Variants in CCDC170 observed in about 807,000 individuals in gnomAD.
CCDC170 encodes the protein coiled-coil domain containing 170.
CCDC170 carries 69 observed loss-of-function variants against 72.6 expected under a neutral mutation model. The observed-to-expected ratio is 0.95, with a 90% confidence interval of 0.78 to 1.16. The LOEUF (loss-of-function observed/expected upper bound fraction) is 1.16. CCDC170 is among the 50% of genes most tolerant of loss of function. The probability of loss-of-function intolerance (pLI) is 0.00; values close to 1 mark genes in which losing one functional copy is unlikely to be tolerated. For synonymous variants in CCDC170, 300 were observed against 303.9 expected, an observed-to-expected ratio of 0.99 and a Z score of 0.13; for missense variants, 852 against 832.5, an observed-to-expected ratio of 1.02 and a Z score of -0.29.
chr6:151,587,030 C>A (rs962028764), intron 7 of CCDC170, among the ~76,000 whole-genome samples: 3 of 151,968 alleles, frequency 2.0e-5, no homozygotes, highest in Non-Finnish European at 2.9e-5. Flanking sequence ...ATGATCTGCC[C>A]GCCTCGGCCT....
At chr6:151,567,171 G>A (rs73615772) in intron 5 of CCDC170, among the ~76,000 whole-genome samples, 20,074 of 151,848 alleles carry the variant, frequency 0.13, 1,915 homozygotes, top group African/African-American at 0.27. Flanking sequence ...AGCCTGCCTC[G>A]GCCTCTCAAA....
At chr6:151,562,152 C>T (rs74724120) in intron 5 of CCDC170, among the ~76,000 whole-genome samples, 2,829 of 152,062 alleles carry the variant, frequency 0.019, 99 homozygotes, top group African/African-American at 0.064. Context: ...TAATGGATTT[C>T]AAATTTCTCT....
intron 5 of CCDC170, among the ~76,000 whole-genome samples, chr6:151,549,975 C>T (rs1007920733): frequency 1.3e-5 from 2 of 151,826 alleles, no homozygotes; most frequent in Non-Finnish European, 2.9e-5. Flanking sequence ...CTCGCTGGGC[C>T]AAAGGACATG....
intron 6 of CCDC170, among the ~76,000 whole-genome samples, chr6:151,584,981 T>G (rs959917209): frequency 7.2e-5 from 11 of 152,222 alleles, no homozygotes; most frequent in African/African-American, 2.7e-4. Context: ...TCTTCCAAAA[T>G]AAACCATCGA....
At chr6:151,578,475 G>A (rs369550188) in intron 6 of CCDC170, among the ~76,000 whole-genome samples, 136 of 152,152 alleles carry the variant, frequency 8.9e-4, no homozygotes, top group African/African-American at 3.1e-3. Context: ...GTCGGTCTTC[G>A]TGTCCAAATT....
intron 1 of CCDC170, among the ~76,000 whole-genome samples, chr6:151,525,052 C>A (rs1372885866): frequency 6.6e-6 from 1 of 151,470 alleles, no homozygotes; most frequent in Non-Finnish European, 1.5e-5. Flanking sequence ...CCTGCTTCAG[C>A]CTCCCTAGTG....
At chr6:151,579,555 C>T (rs112049783) in intron 6 of CCDC170, among the ~76,000 whole-genome samples, 3 of 152,260 alleles carry the variant, frequency 2.0e-5, no homozygotes, top group African/African-American at 4.8e-5. Context: ...AGTCTCACTT[C>T]GCTGAGTCTC....
intron 1 of CCDC170, among the ~76,000 whole-genome samples, chr6:151,496,666 A>G (rs910955449): frequency 7.2e-5 from 11 of 152,218 alleles, no homozygotes; most frequent in African/African-American, 2.4e-4. Context: ...TAAATTACAA[A>G]GCAGTGATAG....
At chr6:151,577,670 T>G (rs894221191) in intron 6 of CCDC170, among the ~76,000 whole-genome samples, 1 of 152,186 alleles carries the variant, frequency 6.6e-6, no homozygotes, top group African/African-American at 2.4e-5. Flanking sequence ...TCCAACCCTC[T>G]GGCTGCGCAC....
At position 151,511,998 on chromosome 6, in the gene CCDC170, C is replaced by T. The variant is rs189826248; in HGVS notation, c.57+17813C>T. Among the ~76,000 whole-genome samples the T allele has an allele frequency of 5.3e-5, 8 of 152,110 alleles. No individual in the cohort carries two copies. In the East Asian group the frequency reaches 1.6e-3, roughly 29 times the overall value. On this transcript the variant is annotated intron_variant, in intron 1 of 10. Transcript: ENST00000239374. ...AGTAGCTGGGACCATAGGGACACTACCATGCCTGGCTAATTTTTTAATTTT... is the reference window on the plus strand; with the variant it reads ...AGTAGCTGGGACCATAGGGACACTATCATGCCTGGCTAATTTTTTAATTTT...
At chr6:151,512,152 G>T (rs1009945372) in intron 1 of CCDC170, among the ~76,000 whole-genome samples, 5 of 138,398 alleles carry the variant, frequency 3.6e-5, no homozygotes, top group East Asian at 2.1e-4. Flanking sequence ...GCAGTATACC[G>T]TTTTTTTTTG....
At chr6:151,616,018 T>G in intron 10 of CCDC170, 2 of 218,706 alleles carry the variant, frequency 9.1e-6, no homozygotes, top group South Asian at 1.6e-4. Flanking sequence ...CACATTTCCA[T>G]GGCACAAATT....
At chr6:151,528,416 C>A (rs952970402) in intron 1 of CCDC170, among the ~76,000 whole-genome samples, 1 of 152,180 alleles carries the variant, frequency 6.6e-6, no homozygotes, top group African/African-American at 2.4e-5. Context: ...ATGGTTGTTT[C>A]TTTGTCATCA....
chr6:151,509,956 C>A (rs1253021708), intron 1 of CCDC170, among the ~76,000 whole-genome samples: 2 of 152,090 alleles, frequency 1.3e-5, no homozygotes, highest in Non-Finnish European at 2.9e-5. Flanking sequence ...AACTCCGTCT[C>A]CACTAAAAAT....
At position 151,619,600 on chromosome 6, in the gene CCDC170, G is replaced by C. The variant is rs1463436421; in HGVS notation, c.*1453G>C. 1.3e-5 allele frequency: 2 copies of C among 152,068 alleles called. No individual in the cohort carries two copies. The highest frequency in any genetic ancestry group is 4.8e-5 in the African/African-American group (2 of 41,412). The allele number at this position is 152,068 out of a possible 1,614,324, so 9.4% of individuals were successfully genotyped here. A position where few individuals can be genotyped will look rare whatever the true frequency, so the allele number is the denominator to read the frequency against. On this transcript the variant is annotated 3_prime_UTR_variant, in exon 11 of 11. Coordinates refer to ENST00000239374, the MANE Select transcript of CCDC170 (RefSeq NM_025059.4). ...ATGAAAAATATACAACCAACCGTTC[G>C]TGAGTCATCAAAAAGTCAAAGTCAG...
chr6:151,609,981 G>C (rs556446327), intron 9 of CCDC170, among the ~76,000 whole-genome samples: 57 of 152,340 alleles, frequency 3.7e-4, no homozygotes, highest in Non-Finnish European at 1.0e-4. Context: ...ATAGCCCACT[G>C]TAAATGTTTT....
intron 1 of CCDC170, among the ~76,000 whole-genome samples, chr6:151,515,613 C>T (rs144545540): frequency 8.5e-5 from 13 of 152,140 alleles, no homozygotes; most frequent in African/African-American, 2.9e-4. Context: ...ATAGATGATG[C>T]CTCCAGGTAG....
At chr6:151,561,093 A>G (rs1783069874) in intron 5 of CCDC170, among the ~76,000 whole-genome samples, 1 of 151,902 alleles carries the variant, frequency 6.6e-6, no homozygotes, top group South Asian at 2.1e-4. Context: ...GTGGGTACAT[A>G]GTGGGTGTGT....
At chr6:151,535,605 C>A (rs1037136884) in intron 1 of CCDC170, among the ~76,000 whole-genome samples, 1 of 152,116 alleles carries the variant, frequency 6.6e-6, no homozygotes, top group Non-Finnish European at 1.5e-5. Context: ...TCTTTGTGAT[C>A]TGGACAAAGA....
Sources: gnomAD v4.1 joint callset for allele counts (sites outside exome capture counted in the v4.1 genomes callset) on GRCh38, gnomAD v4.1.1 for gene constraint, MANE v1.5 for transcripts, NCBI Gene and HGNC (gene_info 2026-07-23, HGNC 2026-07-21) for gene names.